Variants in SRBD1 observed in about 807,000 individuals in gnomAD.
SRBD1 encodes S1 RNA binding domain 1.
In SRBD1, 88 loss-of-function variants were observed where a neutral mutation model predicts 115.3. The observed-to-expected ratio is 0.76, with a 90% confidence interval of 0.64 to 0.91. The LOEUF is 0.91. SRBD1 is among the 40% of genes least tolerant of loss of function. SRBD1 has a pLI of 0.00. For synonymous variants in SRBD1, 509 were observed against 407.7 expected, an observed-to-expected ratio of 1.25 and a Z score of -2.99; for missense variants, 1,385 against 1,177.4, an observed-to-expected ratio of 1.18 and a Z score of -2.58.
rs1416787199 is a variant in SRBD1 at position 45,419,820 on chromosome 2, C to T, written c.2124G>A (p.Val708=). 6.2e-7 allele frequency: 1 copy of T among 1,613,808 alleles called. No individual in the cohort carries two copies. The highest frequency in any genetic ancestry group is 8.5e-7 in the Non-Finnish European group (1 of 1,179,862). ...AAACTTCTGAACAGATGTTAATATC[C>T]ACTCCCACAAAGCTGACACATTCTT... ...VVEECVSFVG[V]DINICSEVLL... is the part of the protein sequence containing the mutation. The change falls in exon 17 of 21, where the codon GTG becomes GTA. Residue 708 remains valine (V), a synonymous_variant. Coordinates refer to ENST00000263736, the MANE Select transcript of SRBD1 (RefSeq NM_018079.5).
chr2:45,597,223 A>G (rs898431895), intron 4 of SRBD1, among the ~76,000 whole-genome samples: 1 of 152,162 alleles, frequency 6.6e-6, no homozygotes, highest in Non-Finnish European at 1.5e-5. Context: ...GACGGAGACC[A>G]TTCTGGCTAA....
chr2:45,551,323 A>G, intron 11 of SRBD1, 41 bp from the exon 12 acceptor site: 1 of 1,560,948 alleles, frequency 6.4e-7, no homozygotes, highest in Non-Finnish European at 8.6e-7. Flanking sequence ...TCATTCACCC[A>G]AATTTTCTTT....
At chr2:45,572,726 C>T (rs1673058787) in intron 9 of SRBD1, among the ~76,000 whole-genome samples, 1 of 152,024 alleles carries the variant, frequency 6.6e-6, no homozygotes, top group Admixed American at 6.6e-5. Flanking sequence ...AAGCCACATT[C>T]CACAATGTAG....
chr2:45,471,987 T>A (rs1345703890), intron 16 of SRBD1, among the ~76,000 whole-genome samples: 4 of 152,078 alleles, frequency 2.6e-5, no homozygotes, highest in Non-Finnish European at 5.9e-5. Flanking sequence ...GAGGTATACA[T>A]CCAAGAGAAA....
At chr2:45,554,094 C>G (rs1672393585) in intron 10 of SRBD1, among the ~76,000 whole-genome samples, 2 of 152,130 alleles carry the variant, frequency 1.3e-5, no homozygotes, top group Non-Finnish European at 2.9e-5. Context: ...ATATCCATAC[C>G]TTGAAGATGG....
intron 7 of SRBD1, among the ~76,000 whole-genome samples, chr2:45,577,660 GAAAA>G: frequency 6.7e-6 from 1 of 148,188 alleles, no homozygotes; most frequent in East Asian, 2.0e-4. Context: ...TTCTACTGGG[GAAAA>G]AAAAAACTGA....
intron 12 of SRBD1, among the ~76,000 whole-genome samples, chr2:45,548,427 A>G (rs1672187814): frequency 6.6e-6 from 1 of 152,064 alleles, no homozygotes; most frequent in Admixed American, 6.5e-5. Context: ...GGTTTAAAAG[A>G]TATCTACCAT....
rs774274997 is a variant in SRBD1, at chr2:45,415,979, T to C, written c.2333+2386A>G. ...ACCAATTTAAGGATGATCATAAGAATAGAAGATGTACAACTTTGAAATCAC... is the reference window on the plus strand; with the variant it reads ...ACCAATTTAAGGATGATCATAAGAACAGAAGATGTACAACTTTGAAATCAC... On this transcript the variant is annotated intron_variant, in intron 18 of 20. Transcript: ENST00000263736. 3.3e-5 allele frequency among the ~76,000 whole-genome samples: 5 copies of C among 151,934 alleles called. No homozygotes were observed. In the East Asian group the frequency reaches 5.8e-4, roughly 18 times the overall value.
At position 45,514,669 on chromosome 2, in the gene SRBD1, AGGGTACTGAAAC is replaced by A. The variant is rs58095232; in HGVS notation, c.1875-26350_1875-26339del. On this transcript the variant is annotated intron_variant, in intron 14 of 20. Coordinates refer to ENST00000263736, the MANE Select transcript of SRBD1 (RefSeq NM_018079.5). Reference sequence around the variant, plus strand: ...AGAATCATATGGGATGGCGGCGGGGAGGGTACTGAAACTGTCTGAGTTCTTCTGGCTCTATCA... The same window carrying A: ...AGAATCATATGGGATGGCGGCGGGGATGTCTGAGTTCTTCTGGCTCTATCA... Among the ~76,000 whole-genome samples, 557 of 152,194 alleles carry A rather than the reference AGGGTACTGAAAC, an allele frequency of 3.7e-3. 2 individuals are homozygous for A. The highest frequency in any genetic ancestry group is 0.013 in the African/African-American group (531 of 41,532).
In SRBD1 at chr2:45,474,271, T is replaced by C. The variant is rs12712942; in HGVS notation, c.2049+2722A>G. On this transcript the variant is annotated intron_variant, in intron 16 of 20. Coordinates refer to ENST00000263736, the MANE Select transcript of SRBD1 (RefSeq NM_018079.5). ...AGTTTGGTGCCTCATTTGTCTACCA[T>C]AGGTTTTCCTCAAATGTTTAATCAT... Among the ~76,000 whole-genome samples, 8 of 152,312 alleles carry C rather than the reference T, an allele frequency of 5.3e-5. No individual in the cohort carries two copies. The East Asian group carries it at 7.7e-4, about 15-fold the overall frequency.
chr2:45,503,031 C>T (rs77655655), intron 14 of SRBD1, among the ~76,000 whole-genome samples: 1,685 of 152,130 alleles, frequency 0.011, 14 homozygotes, highest in Non-Finnish European at 0.017. Flanking sequence ...CTGAGAATCA[C>T]GAGAATCACT....
chr2:45,489,062 CA>C (rs537007922), intron 14 of SRBD1, among the ~76,000 whole-genome samples: 144 of 152,270 alleles, frequency 9.5e-4, no homozygotes, highest in African/African-American at 3.3e-3. Context: ...ATACAACCCA[CA>C]ATGAGAATAC....
At chr2:45,539,313 C>A (rs998906939) in intron 14 of SRBD1, among the ~76,000 whole-genome samples, 6 of 151,866 alleles carry the variant, frequency 4.0e-5, no homozygotes, top group Admixed American at 6.6e-5. Context: ...ATCTGCTGAA[C>A]CAAGTGCATT....
At chr2:45,535,624 T>C (rs942348040) in intron 14 of SRBD1, among the ~76,000 whole-genome samples, 1 of 152,014 alleles carries the variant, frequency 6.6e-6, no homozygotes, top group Non-Finnish European at 1.5e-5. Flanking sequence ...AAATGTTTCA[T>C]CTGGGCCAGA....
At chr2:45,390,787 T>C (rs561195515) in intron 20 of SRBD1, among the ~76,000 whole-genome samples, 2 of 152,336 alleles carry the variant, frequency 1.3e-5, no homozygotes, top group East Asian at 3.9e-4. Flanking sequence ...CAAGACGTTT[T>C]AAAAATTAAG....
rs774789795 is a variant in SRBD1, at chr2:45,599,698, C to T, written c.399G>A (p.Leu133=). The T allele has an allele frequency of 1.2e-6, 2 of 1,614,208 alleles. No homozygotes were observed. Among genetic ancestry groups the T allele is most frequent in the Non-Finnish European group, 1.7e-6 (2 of 1,180,042 alleles). The change falls in exon 4 of 21, where the codon CTG becomes CTA. Residue 133 remains leucine, a synonymous_variant. Transcript: ENST00000263736. The part of the protein sequence containing the change: ...QPHTVRRTKK[L]KVEEETSKAS... ...CTTTGCTGGTTTCTTCTTCAACTTTCAGCTTTTTAGTCCTTCGAACTGTAT... is the reference window on the plus strand; with the variant it reads ...CTTTGCTGGTTTCTTCTTCAACTTTTAGCTTTTTAGTCCTTCGAACTGTAT...
chr2:45,429,362 T>C (rs970042113), intron 16 of SRBD1, among the ~76,000 whole-genome samples: 2 of 152,064 alleles, frequency 1.3e-5, no homozygotes, highest in African/African-American at 4.8e-5. Flanking sequence ...TTCAGGCCAA[T>C]ATTCCTGATG....
Position 45,553,635 on chromosome 2 carries a change from C to T in SRBD1, c.1505G>A (p.Cys502Tyr). The T allele has an allele frequency of 6.3e-7, 1 of 1,591,866 alleles. No individual in the cohort carries two copies. The highest frequency in any genetic ancestry group is 1.8e-5 in the Admixed American group (1 of 55,184). The change falls in exon 11 of 21, where the codon TGT (cysteine) becomes TAT (tyrosine). Residue 502 changes from cysteine to tyrosine, a missense_variant. Coordinates refer to ENST00000263736, the MANE Select transcript of SRBD1 (RefSeq NM_018079.5). ...ACAAGATATATACCTGAATTCTCTA[C>T]AGAGAAGAGGATAAATAAGGCGTTT... The part of the protein sequence containing the change: ...SFKRLIYPLL[C>Y]REFRAKLTSD...
chr2:45,605,108 TG>T (rs894515375), intron 2 of SRBD1, among the ~76,000 whole-genome samples: 11 of 152,334 alleles, frequency 7.2e-5, no homozygotes, highest in African/African-American at 2.6e-4. Context: ...TATGCTCTCA[TG>T]GAGCTTATAT....
Sources: gnomAD v4.1 joint callset for allele counts (sites outside exome capture counted in the v4.1 genomes callset) on GRCh38, gnomAD v4.1.1 for gene constraint, MANE v1.5 for transcripts, NCBI Gene and HGNC (gene_info 2026-07-23, HGNC 2026-07-21) for gene names.